ANTXR2: variants seen among roughly 807,000 people sequenced by gnomAD.
ANTXR2 encodes ANTXR cell adhesion molecule 2.
In ANTXR2, 44 loss-of-function variants were observed where a neutral mutation model predicts 73.7. The ratio of observed to expected loss-of-function variants is 0.60; its 90% CI spans 0.47 to 0.77. The LOEUF is 0.77. Ranked by LOEUF, ANTXR2 falls within the 30% of genes least tolerant of loss-of-function variation. The probability of loss-of-function intolerance (pLI) is 0.00; values close to 1 mark genes in which losing one functional copy is unlikely to be tolerated. For synonymous variants in ANTXR2, 217 were observed against 205.9 expected (o/e 1.05, Z -0.46); for missense variants, 604 against 592.5 (o/e 1.02, Z -0.20).
intron 11 of ANTXR2, among the ~76,000 whole-genome samples, chr4:80,011,990 G>A (rs998384700): frequency 6.6e-6 from 1 of 152,194 alleles, no homozygotes; most frequent in African/African-American, 2.4e-5. Flanking sequence ...GAGAATCATA[G>A]AGATATAAAA....
intron 16 of ANTXR2, among the ~76,000 whole-genome samples, chr4:79,954,283 T>C (rs904045883): frequency 9.9e-5 from 15 of 152,270 alleles, no homozygotes; most frequent in African/African-American, 3.4e-4. Context: ...CCTTCTAAAA[T>C]GCTGGGATTA....
chr4:80,008,018 G>T (rs568102803), intron 12 of ANTXR2, among the ~76,000 whole-genome samples: 1 of 152,036 alleles, frequency 6.6e-6, no homozygotes, highest in African/African-American at 2.4e-5. Flanking sequence ...GAAACTCCTC[G>T]TCATTACTCC....
At chr4:79,958,111 C>G (rs547210588) in intron 16 of ANTXR2, among the ~76,000 whole-genome samples, 1 of 151,830 alleles carries the variant, frequency 6.6e-6, no homozygotes, top group Admixed American at 6.6e-5. Context: ...ATTCTCTCTC[C>G]TTCTATATCA....
chr4:79,921,671 G>A (rs4463019), intron 16 of ANTXR2, among the ~76,000 whole-genome samples: 35,760 of 151,832 alleles, frequency 0.24, 5,029 homozygotes, highest in East Asian at 0.7. Flanking sequence ...GAAAGCTTAC[G>A]AATAAAAATT....
chr4:79,918,125 C>A (rs1727427148), intron 16 of ANTXR2, among the ~76,000 whole-genome samples: 1 of 151,898 alleles, frequency 6.6e-6, no homozygotes, highest in South Asian at 2.1e-4. Context: ...GCAGAAGAAA[C>A]ACTCACTGAA....
intron 14 of ANTXR2, among the ~76,000 whole-genome samples, chr4:79,980,861 G>T (rs1201342619): frequency 1.4e-5 from 2 of 146,834 alleles, no homozygotes; most frequent in African/African-American, 5.1e-5. Context: ...AATGTGTTCT[G>T]TAATTCACAT....
chr4:79,910,903 T>C (rs1234242506), intron 16 of ANTXR2, among the ~76,000 whole-genome samples: 2 of 152,218 alleles, frequency 1.3e-5, no homozygotes, highest in Non-Finnish European at 2.9e-5. Flanking sequence ...GGAAATATTT[T>C]ATTCAGTATT....
Position 79,905,145 on chromosome 4 carries a change from G to A in ANTXR2, c.*2284C>T, listed in dbSNP as rs978394899. On this transcript the variant is annotated 3_prime_UTR_variant, in exon 17 of 17. Coordinates refer to ENST00000403729, the MANE Select transcript of ANTXR2 (RefSeq NM_058172.6). ...AGTTATTTTTCCATTTAAAGGCAGAGGTTAATTTTCATTGTTCATGCAGCA... is the reference window on the plus strand; with the variant it reads ...AGTTATTTTTCCATTTAAAGGCAGAAGTTAATTTTCATTGTTCATGCAGCA... 1.3e-5 allele frequency: 2 copies of A among 152,162 alleles called. No individual in the cohort carries two copies. Among genetic ancestry groups the A allele is most frequent in the African/African-American group, 4.8e-5 (2 of 41,450 alleles). The allele number at this position is 152,162 out of a possible 1,614,324, so 9.4% of individuals were successfully genotyped here.
At chr4:79,985,838 C>CTTTTTTTTTTTT (rs572381265) in intron 12 of ANTXR2, among the ~76,000 whole-genome samples, 1 of 111,688 alleles carries the variant, frequency 9.0e-6, no homozygotes, top group Non-Finnish European at 1.8e-5. Flanking sequence ...ACAGTTAATT[C>CTTTTTTTTTTTT]TTTTTTTTTT....
intron 16 of ANTXR2, among the ~76,000 whole-genome samples, chr4:79,909,798 G>C (rs1301275716): frequency 2.0e-5 from 3 of 152,110 alleles, no homozygotes; most frequent in Non-Finnish European, 4.4e-5. Context: ...TAATGTCTGG[G>C]TGTAATTTTA....
At chr4:80,067,320 AC>A (rs1484485576) in intron 3 of ANTXR2, among the ~76,000 whole-genome samples, 1 of 152,184 alleles carries the variant, frequency 6.6e-6, no homozygotes, top group African/African-American at 2.4e-5. Context: ...AAAGATTTAA[AC>A]CCCTTCCATG....
At chr4:79,913,075 C>T (rs1287045125) in intron 16 of ANTXR2, among the ~76,000 whole-genome samples, 1 of 152,092 alleles carries the variant, frequency 6.6e-6, no homozygotes, top group Non-Finnish European at 1.5e-5. Context: ...TTTTAAACAT[C>T]TATATTTATG....
At chr4:79,915,276 C>A (rs1262284881) in intron 16 of ANTXR2, among the ~76,000 whole-genome samples, 1 of 152,106 alleles carries the variant, frequency 6.6e-6, no homozygotes, top group Non-Finnish European at 1.5e-5. Flanking sequence ...GACCCCAACT[C>A]CACTGCAATA....
At chr4:80,018,258 C>T (rs1016605623) in intron 11 of ANTXR2, among the ~76,000 whole-genome samples, 1 of 151,982 alleles carries the variant, frequency 6.6e-6, no homozygotes, top group Non-Finnish European at 1.5e-5. Flanking sequence ...CCCGTTTCCA[C>T]GTGCAATAAT....
intron 7 of ANTXR2, among the ~76,000 whole-genome samples, chr4:80,049,060 G>T (rs1037101726): frequency 2.6e-5 from 4 of 151,548 alleles, no homozygotes; most frequent in Admixed American, 1.3e-4. Flanking sequence ...TTGGACAAGG[G>T]TTATTTATAA....
At chr4:80,038,424 C>A (rs1293079995) in intron 7 of ANTXR2, among the ~76,000 whole-genome samples, 1 of 151,918 alleles carries the variant, frequency 6.6e-6, no homozygotes, top group East Asian at 1.9e-4. Context: ...GAACAAACAC[C>A]CTCCAGGACT....
intron 16 of ANTXR2, among the ~76,000 whole-genome samples, chr4:79,959,951 T>C (rs1489996553): frequency 1.3e-5 from 2 of 152,142 alleles, no homozygotes; most frequent in African/African-American, 4.8e-5. Context: ...ATGAAAGAAT[T>C]AGAGAAAGAT....
At chr4:79,977,460 G>C in intron 16 of ANTXR2, 161 bp downstream of exon 16, 1 of 1,363,764 alleles carries the variant, frequency 7.3e-7, no homozygotes, top group South Asian at 1.7e-5. Context: ...CTAACAATAG[G>C]TAATTTATAG....
chr4:79,911,645 T>C (rs535509599), intron 16 of ANTXR2, among the ~76,000 whole-genome samples: 1 of 152,088 alleles, frequency 6.6e-6, no homozygotes, highest in African/African-American at 2.4e-5. Context: ...ATGTATAATA[T>C]TATGCCTGTA....
Sources: allele counts gnomAD v4.1 joint callset (sites outside exome capture counted in the v4.1 genomes callset), GRCh38; gene constraint gnomAD v4.1.1; transcripts MANE v1.5; gene names NCBI Gene and HGNC (gene_info 2026-07-23, HGNC 2026-07-21).